Variants in SLC39A11 observed in about 807,000 individuals in gnomAD.
The protein encoded by SLC39A11 is zinc transporter ZIP11.
SLC39A11 carries 33 observed loss-of-function variants against 36.1 expected under a neutral mutation model. The observed-to-expected ratio is 0.91, with a 90% confidence interval of 0.69 to 1.22. The LOEUF (loss-of-function observed/expected upper bound fraction) is 1.22. Ranked by LOEUF, SLC39A11 falls within the 50% of genes most tolerant of loss-of-function variation. The pLI is 0.00. For synonymous variants in SLC39A11, 166 were observed against 170.3 expected, an observed-to-expected ratio of 0.97 and a Z score of 0.20; for missense variants, 432 against 430.3, an observed-to-expected ratio of 1.00 and a Z score of -0.03.
chr17:72,647,899 G>A (rs73999705), intron 9 of SLC39A11, among the ~76,000 whole-genome samples: 1,675 of 152,278 alleles, frequency 0.011, 33 homozygotes, highest in African/African-American at 0.038. Flanking sequence ...GGAAACTGAG[G>A]CAAAGAGAAG....
intron 3 of SLC39A11, among the ~76,000 whole-genome samples, chr17:73,077,478 T>C (rs1445954017): frequency 1.3e-5 from 2 of 152,148 alleles, no homozygotes; most frequent in Non-Finnish European, 2.9e-5. Context: ...CCACCATGCC[T>C]GGCTAATTTT....
chr17:72,715,415 C>T (rs73349485), intron 7 of SLC39A11, among the ~76,000 whole-genome samples: 56,286 of 152,066 alleles, frequency 0.37, 12,404 homozygotes, highest in African/African-American at 0.62. Context: ...CATGGACAGA[C>T]GAATGAACAA....
chr17:72,895,348 G>A (rs1204459404), intron 5 of SLC39A11, among the ~76,000 whole-genome samples: 8 of 152,168 alleles, frequency 5.3e-5, no homozygotes, highest in African/African-American at 1.7e-4. Flanking sequence ...GGAGGCCAAG[G>A]TGGGAGGATC....
chr17:72,696,027 C>A (rs35448283), intron 7 of SLC39A11, among the ~76,000 whole-genome samples: 1 of 152,160 alleles, frequency 6.6e-6, no homozygotes, highest in African/African-American at 2.4e-5. Flanking sequence ...GGCACCACCA[C>A]ACCTGGATGC....
intron 3 of SLC39A11, among the ~76,000 whole-genome samples, chr17:73,038,721 A>AAG (rs985387639): frequency 2.2e-5 from 3 of 136,174 alleles, no homozygotes; most frequent in South Asian, 2.6e-4. Context: ...GAAAAAGAGA[A>AAG]AGAGAGAGAG....
chr17:72,688,656 C>T (rs1471497777), intron 7 of SLC39A11, among the ~76,000 whole-genome samples: 1 of 152,168 alleles, frequency 6.6e-6, no homozygotes, highest in East Asian at 1.9e-4. Flanking sequence ...AGTTTCCAGT[C>T]GTCAAATTAC....
intron 4 of SLC39A11, among the ~76,000 whole-genome samples, chr17:72,976,633 G>C (rs143190123): frequency 6.6e-6 from 1 of 152,154 alleles, no homozygotes; most frequent in Non-Finnish European, 1.5e-5. Context: ...GGCGGATCAC[G>C]AGGTCAGGAG....
At chr17:73,090,334 G>A (rs910973595) in intron 1 of SLC39A11, among the ~76,000 whole-genome samples, 2 of 152,134 alleles carry the variant, frequency 1.3e-5, no homozygotes, top group African/African-American at 4.8e-5. Context: ...TATGGAATCA[G>A]ACTCTAGTTC....
At chr17:72,763,600 C>G (rs1420063316) in intron 6 of SLC39A11, among the ~76,000 whole-genome samples, 1 of 152,200 alleles carries the variant, frequency 6.6e-6, no homozygotes, top group Non-Finnish European at 1.5e-5. Flanking sequence ...ACAAACTCAT[C>G]CTCCACCATC....
chr17:72,817,452 G>A (rs2077621378), intron 6 of SLC39A11, among the ~76,000 whole-genome samples: 1 of 151,922 alleles, frequency 6.6e-6, no homozygotes, highest in African/African-American at 2.4e-5. Context: ...ATGGCACCAA[G>A]GCATTCATGA....
chr17:72,929,651 T>C (rs922441919), intron 5 of SLC39A11, among the ~76,000 whole-genome samples: 6 of 152,194 alleles, frequency 3.9e-5, no homozygotes, highest in African/African-American at 9.6e-5. Flanking sequence ...ATTTTTTTTC[T>C]TAAAGGGAGA....
intron 7 of SLC39A11, among the ~76,000 whole-genome samples, chr17:72,673,203 G>C (rs2071094807): frequency 6.6e-6 from 1 of 151,982 alleles, no homozygotes; most frequent in Admixed American, 6.5e-5. Context: ...CAGCTCCTGG[G>C]TTCCAGCAGT....
At chr17:72,904,819 GA>G (rs1421534997) in intron 5 of SLC39A11, among the ~76,000 whole-genome samples, 1 of 152,206 alleles carries the variant, frequency 6.6e-6, no homozygotes, top group East Asian at 1.9e-4. Context: ...CTGCATTACA[GA>G]ACCTTTCCCC....
intron 5 of SLC39A11, among the ~76,000 whole-genome samples, chr17:72,893,197 T>G (rs1040572917): frequency 6.6e-6 from 1 of 152,208 alleles, no homozygotes; most frequent in South Asian, 2.1e-4. Context: ...GGGCGGTGAT[T>G]CACGCCTGTA....
chr17:72,669,962 ACG>A, intron 7 of SLC39A11, among the ~76,000 whole-genome samples: 1 of 149,704 alleles, frequency 6.7e-6, no homozygotes, highest in African/African-American at 2.5e-5. Context: ...ACATATATAT[ACG>A]TATAGATGTA....
At chr17:73,015,700 G>C (rs570124898) in intron 4 of SLC39A11, among the ~76,000 whole-genome samples, 1 of 151,974 alleles carries the variant, frequency 6.6e-6, no homozygotes, top group African/African-American at 2.4e-5. Flanking sequence ...CTCGTGCCTT[G>C]GCCTCCCAAG....
chr17:72,838,102 A>C (rs1028219242), intron 6 of SLC39A11: 1 of 522,790 alleles, frequency 1.9e-6, no homozygotes, highest in African/African-American at 2.0e-5. Context: ...TGGCCAACAC[A>C]GCAACACCCT....
chr17:72,761,597 A>G (rs2075579507), intron 6 of SLC39A11, among the ~76,000 whole-genome samples: 1 of 152,196 alleles, frequency 6.6e-6, no homozygotes, highest in East Asian at 1.9e-4. Flanking sequence ...GATACAATCA[A>G]TGTCTGCATT....
chr17:73,008,154 GTTT>G lies in SLC39A11; in HGVS notation c.306+23399_306+23401del, dbSNP rs888229456. Among the ~76,000 whole-genome samples the G allele has an allele frequency of 1.6e-4, 15 of 96,536 alleles. No individual in the cohort carries two copies. In the East Asian group the frequency reaches 3.4e-3, roughly 22 times the overall value. The allele number at this position is 96,536 out of a possible 152,430, so 63.3% of individuals were successfully genotyped here. On this transcript the variant is annotated intron_variant, in intron 4 of 9. Transcript: ENST00000255559. Reference sequence around the variant, plus strand: ...GAAACATTTGTTGTTGGGGTTTGTTGTTTTTTTTTTGTTTTTTTTTTTTTGAGA... The same window carrying G: ...GAAACATTTGTTGTTGGGGTTTGTTGTTTTTTTGTTTTTTTTTTTTTGAGA...
Sources: gnomAD v4.1 joint callset for allele counts (sites outside exome capture counted in the v4.1 genomes callset) on GRCh38, gnomAD v4.1.1 for gene constraint, MANE v1.5 for transcripts, NCBI Gene and HGNC (gene_info 2026-07-23, HGNC 2026-07-21) for gene names.